Variants in PDE4DIP observed in about 807,000 individuals in gnomAD.
PDE4DIP encodes myomegalin.
In PDE4DIP, 59 loss-of-function variants were observed where a neutral mutation model predicts 221.4. That is an observed-to-expected ratio of 0.27 (90% CI 0.22 to 0.33). PDE4DIP has a LOEUF of 0.33. Among genes scored for constraint, PDE4DIP ranks in the 10% least tolerant of loss-of-function variants. The probability of loss-of-function intolerance (pLI) is 1.00; values close to 1 mark genes in which losing one functional copy is unlikely to be tolerated. For missense variants in PDE4DIP, 1,036 were observed against 2,154.2 expected (o/e 0.48, Z 10.28); for synonymous variants, 404 against 815.9 (o/e 0.50, Z 8.60).
chr1:149,032,659 A>C, exon 44 of PDE4DIP: 1 of 227,648 alleles, frequency 4.4e-6, no homozygotes, highest in Non-Finnish European at 8.7e-6. Flanking sequence ...TGATATCCAA[A>C]TTGGACTGAC....
chr1:149,030,809 C>T lies in PDE4DIP; in HGVS notation c.6999+531C>T, dbSNP rs79197482. The T allele has an allele frequency of 9.0e-5, 88 of 982,396 alleles. 1 individual carries two copies. Among genetic ancestry groups the T allele is most frequent in the South Asian group, 6.1e-4 (13 of 21,204 alleles). 60.9% of individuals were successfully genotyped at this position (982,396 alleles called of 1,614,324 possible). A position where few individuals can be genotyped will look rare whatever the true frequency, so the allele number is the denominator to read the frequency against. On this transcript the variant is annotated intron_variant, in intron 43 of 43. Coordinates refer to ENST00000369354, the Ensembl canonical transcript of PDE4DIP. ...CTGTTGGGTCTCATTGGTCTAAAAG[C>T]GAATTTGTTAATAAATAACAACTGA...
chr1:148,991,533 T>C (rs373492365), intron 21 of PDE4DIP: 9 of 984,072 alleles, frequency 9.1e-6, no homozygotes, highest in Admixed American at 6.1e-5. Flanking sequence ...GTTGGACTCA[T>C]ATTATGGAAG....
chr1:148,892,003 TTTGTTG>T lies in PDE4DIP; in HGVS notation c.141+2124_141+2129del, dbSNP rs112683815. ...TCTTAGGTAATTTGAGGGAAAGGAT[TTTGTTG>T]TTGTTGTTGTTGTTCTGAGACAGAG... On this transcript the variant is annotated intron_variant, in intron 1 of 43. Transcript: ENST00000369354. Among the ~76,000 whole-genome samples the T allele has an allele frequency of 1.2e-4, 10 of 84,972 alleles. 1 individual carries two copies. The South Asian group carries it at 5.3e-3, about 45-fold the overall frequency. 55.7% of individuals were successfully genotyped at this position (84,972 alleles called of 152,430 possible).
At chr1:148,985,953 A>G (rs1326495162) in intron 21 of PDE4DIP, 1 of 152,194 alleles carries the variant, frequency 6.6e-6, no homozygotes, top group Non-Finnish European at 1.5e-5. Context: ...TCATAGCTCC[A>G]AGATATTGAC....
At chr1:148,949,682 A>C (rs2052664768) in intron 5 of PDE4DIP, among the ~76,000 whole-genome samples, 1 of 152,234 alleles carries the variant, frequency 6.6e-6, no homozygotes, top group Admixed American at 6.5e-5. Flanking sequence ...TTTTATTTTT[A>C]AATTTTTATT....
chr1:148,960,173 A>G (rs1384209228), intron 5 of PDE4DIP, among the ~76,000 whole-genome samples: 1 of 152,308 alleles, frequency 6.6e-6, no homozygotes. Context: ...GTTACCTAAT[A>G]TATAGTCCAT....
chr1:148,923,516 C>T (rs1177789772), intron 1 of PDE4DIP, among the ~76,000 whole-genome samples: 1 of 145,982 alleles, frequency 6.9e-6, no homozygotes, highest in African/African-American at 2.6e-5. Context: ...CTCTGTCGCC[C>T]AGGCTGGAGT....
exon 1 of PDE4DIP, chr1:148,889,683 GC>G: frequency 1.2e-6 from 1 of 826,558 alleles, no homozygotes; most frequent in Non-Finnish European, 1.8e-6. Context: ...GCTTCATGCT[GC>G]GGTGCAGCTG....
At chr1:149,026,010 T>G (rs1553627083) in intron 38 of PDE4DIP, 3 of 149,836 alleles carry the variant, frequency 2.0e-5, no homozygotes. Context: ...CCAGGCCTTC[T>G]TCTCTCACTG....
chr1:149,031,550 C>T (rs1245157089), intron 43 of PDE4DIP, among the ~76,000 whole-genome samples: 2 of 150,728 alleles, frequency 1.3e-5, no homozygotes, highest in African/African-American at 4.9e-5. Flanking sequence ...AGCAAAATGT[C>T]CTCTTCTTCC....
intron 1 of PDE4DIP, among the ~76,000 whole-genome samples, chr1:148,820,555 C>CAAAAAAAAAA (rs148261220): frequency 1.4e-3 from 55 of 39,264 alleles, no homozygotes; most frequent in East Asian, 4.6e-3. Flanking sequence ...AACTCCATCT[C>CAAAAAAAAAA]AAAAAAAAAA....
At chr1:148,940,574 C>T (rs1553478916) in intron 5 of PDE4DIP, among the ~76,000 whole-genome samples, 1 of 151,724 alleles carries the variant, frequency 6.6e-6, no homozygotes, top group African/African-American at 2.4e-5. Context: ...TTGCTTATGG[C>T]CACCTCAGGA....
At chr1:148,968,608 C>T (rs1406286613) in intron 13 of PDE4DIP, among the ~76,000 whole-genome samples, 1 of 151,548 alleles carries the variant, frequency 6.6e-6, no homozygotes, top group Non-Finnish European at 1.5e-5. Flanking sequence ...TAAGTGGCCA[C>T]CAGAGATAGT....
At chr1:149,009,688 C>A in exon 30 of PDE4DIP, 4 of 1,614,148 alleles carry the variant, frequency 2.5e-6, no homozygotes, top group Non-Finnish European at 3.4e-6. Context: ...GCTCTCCCAG[C>A]AGCACCTCTT....
Position 148,910,885 on chromosome 1 carries a change from T to C in PDE4DIP, c.142-18312T>C, listed in dbSNP as rs1558770464. ...CAGTTTGGTGATTTCTCAAAGAATT[T>C]AAAAGAGAACTACCATTTGACCCAG... On this transcript the variant is annotated intron_variant, in intron 1 of 43. Coordinates refer to ENST00000369354, the Ensembl canonical transcript of PDE4DIP. 2.9e-5 allele frequency among the ~76,000 whole-genome samples: 3 copies of C among 105,140 alleles called. 1 individual carries two copies. The highest frequency in any genetic ancestry group is 5.6e-5 in the Non-Finnish European group (3 of 54,024). 69.0% of individuals were successfully genotyped at this position (105,140 alleles called of 152,430 possible). A position where few individuals can be genotyped will look rare whatever the true frequency, so the allele number is the denominator to read the frequency against.
At chr1:149,017,792 C>T (rs368632857) in exon 34 of PDE4DIP, 33 of 1,608,590 alleles carry the variant, frequency 2.1e-5, no homozygotes, top group Non-Finnish European at 2.5e-5. Context: ...CCGGAACCTG[C>T]GCCAGCGCCT....
intron 35 of PDE4DIP, among the ~76,000 whole-genome samples, chr1:149,019,917 A>C (rs1422576498): frequency 6.6e-6 from 1 of 152,048 alleles, no homozygotes; most frequent in African/African-American, 2.4e-5. Context: ...GAATTTCTCT[A>C]AGAGCAAGGT....
At chr1:149,028,601 C>T in exon 41 of PDE4DIP, 1 of 1,610,226 alleles carries the variant, frequency 6.2e-7, no homozygotes, top group Non-Finnish European at 8.5e-7. Context: ...GGAGCAGCAC[C>T]AGTGCCCTGC....
chr1:148,994,553 G>A (rs1356314409), intron 22 of PDE4DIP, among the ~76,000 whole-genome samples: 3 of 149,508 alleles, frequency 2.0e-5, no homozygotes, highest in East Asian at 3.9e-4. Flanking sequence ...TTGACAAATC[G>A]TAATTGTATA....
Sources: allele counts gnomAD v4.1 joint callset (sites outside exome capture counted in the v4.1 genomes callset), GRCh38; gene constraint gnomAD v4.1.1; transcripts MANE v1.5; gene names NCBI Gene and HGNC (gene_info 2026-07-23, HGNC 2026-07-21).